LMBRD2: variants seen among roughly 807,000 people sequenced by gnomAD.
LMBRD2 encodes LMBR1 domain containing 2.
A neutral mutation model predicts 94.4 loss-of-function variants in LMBRD2; 55 were observed. The ratio of observed to expected loss-of-function variants is 0.58; its 90% CI spans 0.47 to 0.73. The LOEUF (loss-of-function observed/expected upper bound fraction) is 0.73, where lower values mean the gene tolerates loss of function less well. LMBRD2 is among the 30% of genes least tolerant of loss of function. The pLI is 0.00. For missense variants in LMBRD2, 640 were observed against 831.9 expected, an observed-to-expected ratio of 0.77 and a Z score of 2.84; for synonymous variants, 246 against 272.4, an observed-to-expected ratio of 0.90 and a Z score of 0.95.
chr5:36,101,906 C>T lies in LMBRD2; in HGVS notation c.*2140G>A, dbSNP rs1195920890. The T allele has an allele frequency of 6.6e-6, 1 of 151,864 alleles. No homozygotes were observed. The highest frequency in any genetic ancestry group is 1.5e-5 in the Non-Finnish European group (1 of 67,820). The allele number at this position is 151,864 out of a possible 1,614,324, so 9.4% of individuals were successfully genotyped here. ...ACGTTCCTACCAATTTATCTTAGGG[C>T]ATTATAAAAGTTAGTTATAAAAGTA... On this transcript the variant is annotated 3_prime_UTR_variant, in exon 18 of 18. Coordinates refer to ENST00000296603, the MANE Select transcript of LMBRD2 (RefSeq NM_001007527.2).
At chr5:36,128,367 C>T (rs746206287) in intron 6 of LMBRD2, among the ~76,000 whole-genome samples, 1 of 152,176 alleles carries the variant, frequency 6.6e-6, no homozygotes, top group Non-Finnish European at 1.5e-5. Flanking sequence ...GTCCAGACAC[C>T]GACGAACATC....
intron 15 of LMBRD2, among the ~76,000 whole-genome samples, chr5:36,109,033 T>C (rs1002896695): frequency 6.6e-6 from 1 of 152,144 alleles, no homozygotes; most frequent in African/African-American, 2.4e-5. Flanking sequence ...AGTCAACAGT[T>C]AAAGTTGTAT....
At position 36,111,516 on chromosome 5, in the gene LMBRD2, T is replaced by C. The variant is rs1011764819; in HGVS notation, c.1641-258A>G. ...TATAGATGTCAGTTAAGTCAAGTTA[T>C]CAGCATACCTTCAGAAAACAATTAT... On this transcript the variant is annotated intron_variant, in intron 13 of 17. Coordinates refer to ENST00000296603, the MANE Select transcript of LMBRD2 (RefSeq NM_001007527.2). 3.4e-4 allele frequency among the ~76,000 whole-genome samples: 51 copies of C among 152,078 alleles called. 1 individual carries two copies. The highest frequency in any genetic ancestry group is 1.1e-3 in the African/African-American group (46 of 41,454).
intron 1 of LMBRD2, among the ~76,000 whole-genome samples, chr5:36,147,674 T>C (rs964932146): frequency 1.3e-4 from 20 of 152,234 alleles, no homozygotes; most frequent in African/African-American, 4.8e-4. Context: ...CTAATGTTAC[T>C]GACTAAAGTA....
rs72744524 is a variant in LMBRD2 at position 36,105,941 on chromosome 5, T to C, written c.1898-744A>G. Among the ~76,000 whole-genome samples, 739 of 152,306 alleles carry C rather than the reference T, an allele frequency of 4.9e-3. 1 individual carries two copies. The highest frequency in any genetic ancestry group is 7.1e-3 in the Non-Finnish European group (482 of 68,012). ...TCCAAGTAGATTTACAACAGCTTTA[T>C]GCTATAGTTCTTTCTGAAAACTTAA... is the stretch of plus-strand genomic sequence containing the variant. On this transcript the variant is annotated intron_variant, in intron 16 of 17. Coordinates refer to ENST00000296603, the MANE Select transcript of LMBRD2 (RefSeq NM_001007527.2).
rs1340004663 is a variant in LMBRD2 at position 36,099,343 on chromosome 5, T to C, written c.*4703A>G. The C allele has an allele frequency of 2.0e-5, 3 of 152,156 alleles. No individual in the cohort carries two copies. Among genetic ancestry groups the C allele is most frequent in the Non-Finnish European group, 4.4e-5 (3 of 67,998 alleles). 9.4% of individuals were successfully genotyped at this position (152,156 alleles called of 1,614,324 possible). ...TTCAATGTTATAATTTATAAATACATATTAATTTAAAACACAGGTCCACAT... is the reference window on the plus strand; with the variant it reads ...TTCAATGTTATAATTTATAAATACACATTAATTTAAAACACAGGTCCACAT... On this transcript the variant is annotated 3_prime_UTR_variant, in exon 18 of 18. Transcript: ENST00000296603.
chr5:36,125,013 G>A (rs1306884257), intron 6 of LMBRD2, among the ~76,000 whole-genome samples: 1 of 152,130 alleles, frequency 6.6e-6, no homozygotes, highest in Non-Finnish European at 1.5e-5. Flanking sequence ...CTATTTGCCA[G>A]TACTGTGCTA....
chr5:36,149,274 G>C (rs1362853612), intron 1 of LMBRD2, among the ~76,000 whole-genome samples: 1 of 152,186 alleles, frequency 6.6e-6, no homozygotes, highest in Admixed American at 6.5e-5. Context: ...ACATTAGGGG[G>C]TGATAAGGGT....
intron 1 of LMBRD2, among the ~76,000 whole-genome samples, chr5:36,145,440 G>C (rs1206350449): frequency 6.6e-6 from 1 of 152,204 alleles, no homozygotes; most frequent in Non-Finnish European, 1.5e-5. Context: ...TGCCTGGGCT[G>C]GTCTCGAACT....
chr5:36,141,043 G>T, intron 4 of LMBRD2, 64 bp downstream of exon 4: 2 of 853,914 alleles, frequency 2.3e-6, no homozygotes, highest in South Asian at 1.5e-5. Flanking sequence ...AAACTATATT[G>T]ATTGAAAAAC....
chr5:36,109,831 A>C, intron 15 of LMBRD2, 114 bp downstream of exon 15: 1 of 745,916 alleles, frequency 1.3e-6, no homozygotes, highest in South Asian at 2.1e-5. Flanking sequence ...ATATCTTATA[A>C]CATTTTTCCA....
At chr5:36,124,497 T>A (rs1743965006) in intron 6 of LMBRD2, among the ~76,000 whole-genome samples, 1 of 152,200 alleles carries the variant, frequency 6.6e-6, no homozygotes, top group Non-Finnish European at 1.5e-5. Flanking sequence ...TCTCATCACT[T>A]CATTACTTGG....
chr5:36,133,030 T>A (rs1744190067), intron 6 of LMBRD2, among the ~76,000 whole-genome samples: 1 of 151,444 alleles, frequency 6.6e-6, no homozygotes, highest in Non-Finnish European at 1.5e-5. Context: ...TACCATGTGT[T>A]TCAGCAATTC....
chr5:36,146,941 AGTGT>A (rs371000455), intron 1 of LMBRD2, among the ~76,000 whole-genome samples: 21,922 of 139,132 alleles, frequency 0.16, 2,071 homozygotes, highest in East Asian at 0.36. Context: ...TGTGTGTGTG[AGTGT>A]GTGTGTGTGT....
chr5:36,142,836 T>C, intron 2 of LMBRD2: 2 of 384,874 alleles, frequency 5.2e-6, no homozygotes, highest in South Asian at 6.1e-5. Flanking sequence ...GCCATTCTCC[T>C]GCCTCAGCCT....
intron 17 of LMBRD2, among the ~76,000 whole-genome samples, chr5:36,104,489 T>A (rs1457687254): frequency 6.6e-6 from 1 of 152,044 alleles, no homozygotes; most frequent in Non-Finnish European, 1.5e-5. Flanking sequence ...GATATTTTGC[T>A]TTTATTTAAT....
intron 10 of LMBRD2, 100 bp downstream of exon 10, chr5:36,117,635 T>C (rs1391223580): frequency 2.5e-6 from 2 of 810,058 alleles, no homozygotes; most frequent in East Asian, 2.9e-5. Flanking sequence ...GCAGAAAACC[T>C]CACTGCTTTC....
intron 16 of LMBRD2, among the ~76,000 whole-genome samples, chr5:36,107,123 G>A (rs995844294): frequency 1.3e-5 from 2 of 152,072 alleles, no homozygotes; most frequent in African/African-American, 2.4e-5. Context: ...CCTTCTATCA[G>A]AGCTGTCATG....
At chr5:36,117,944 G>A in intron 9 of LMBRD2, 28 bp from the exon 10 acceptor site, 1 of 1,513,992 alleles carries the variant, frequency 6.6e-7, no homozygotes, top group East Asian at 2.3e-5. Context: ...AAAATGATTA[G>A]GAAAACTACA....
Sources: gnomAD v4.1 joint callset for allele counts (sites outside exome capture counted in the v4.1 genomes callset) on GRCh38, gnomAD v4.1.1 for gene constraint, MANE v1.5 for transcripts, NCBI Gene and HGNC (gene_info 2026-07-23, HGNC 2026-07-21) for gene names.